The following PDPR variants were observed in gnomAD, a reference collection of about 807,000 sequenced individuals.
PDPR encodes pyruvate dehydrogenase phosphatase regulatory subunit, mitochondrial.
Under a neutral mutation model 102.2 loss-of-function variants are expected in PDPR, and 50 were observed. That is an observed-to-expected ratio of 0.49 (90% CI 0.39 to 0.62). The LOEUF is 0.62. Ranked by LOEUF, PDPR falls within the 20% of genes least tolerant of loss-of-function variation. The pLI, the probability that PDPR is intolerant of heterozygous loss-of-function variation, is 0.00. For missense variants in PDPR, 625 were observed against 1,098.2 expected, an observed-to-expected ratio of 0.57 and a Z score of 6.09; for synonymous variants, 259 against 406.0, an observed-to-expected ratio of 0.64 and a Z score of 4.35.
chr16:70,150,963 C>A (rs1387474741), intron 17 of PDPR, among the ~76,000 whole-genome samples: 1 of 152,230 alleles, frequency 6.6e-6, no homozygotes, highest in South Asian at 2.1e-4. Flanking sequence ...TAGACGGAGC[C>A]TCCCACTGTC....
intron 3 of PDPR, among the ~76,000 whole-genome samples, chr16:70,123,459 A>T (rs1963565719): frequency 6.6e-6 from 1 of 152,128 alleles, no homozygotes; most frequent in Non-Finnish European, 1.5e-5. Flanking sequence ...GCTGGCCTCA[A>T]ACTCCTGGGC....
At chr16:70,163,302 C>G (rs1967937855), downstream of PDPR, among the ~76,000 whole-genome samples, 1 of 151,856 alleles carries the variant, frequency 6.6e-6, no homozygotes, top group Admixed American at 6.6e-5. Context: ...TTTTGAGAAT[C>G]TCATAGGTTA....
intron 17 of PDPR, among the ~76,000 whole-genome samples, chr16:70,150,249 G>A (rs1255363689): frequency 1.3e-5 from 2 of 151,914 alleles, no homozygotes; most frequent in East Asian, 1.9e-4. Flanking sequence ...GATTACAGGC[G>A]CCTGCCACCA....
At chr16:70,125,440 G>C (rs1424227073) in intron 3 of PDPR, among the ~76,000 whole-genome samples, 1 of 151,790 alleles carries the variant, frequency 6.6e-6, no homozygotes, top group Admixed American at 6.6e-5. Context: ...TGTAATCCCT[G>C]CTACTCGGGA....
At chr16:70,134,800 T>TA (rs1359719242) in intron 9 of PDPR, among the ~76,000 whole-genome samples, 4 of 120,986 alleles carry the variant, frequency 3.3e-5, no homozygotes, top group African/African-American at 1.1e-4. Flanking sequence ...AAAAAAAAAA[T>TA]AATAATAATA....
intron 2 of PDPR, chr16:70,120,251 T>C (rs572465627): frequency 1.1e-5 from 5 of 438,034 alleles, no homozygotes; most frequent in African/African-American, 4.0e-5. Flanking sequence ...GGGGTTTCAC[T>C]GTGTTAGCCA....
At chr16:70,137,148 C>T (rs1325142416) in intron 10 of PDPR, among the ~76,000 whole-genome samples, 5 of 152,186 alleles carry the variant, frequency 3.3e-5, no homozygotes, top group South Asian at 2.1e-4. Flanking sequence ...GTCATGAGAT[C>T]GAGACCACTC....
At chr16:70,122,028 C>T (rs1963354410) in intron 3 of PDPR, among the ~76,000 whole-genome samples, 1 of 152,204 alleles carries the variant, frequency 6.6e-6, no homozygotes, top group African/African-American at 2.4e-5. Flanking sequence ...GCTCTGTCAC[C>T]CAGGCTGGAG....
intron 6 of PDPR, among the ~76,000 whole-genome samples, chr16:70,129,601 G>C (rs3865175): frequency 7.9e-4 from 120 of 152,086 alleles, no homozygotes; most frequent in Middle Eastern, 3.4e-3. Context: ...CACCTGCCTC[G>C]GCCTCCCTAA....
At chr16:70,122,532 T>G (rs1273946334) in intron 3 of PDPR, among the ~76,000 whole-genome samples, 1 of 152,294 alleles carries the variant, frequency 6.6e-6, no homozygotes, top group Non-Finnish European at 1.5e-5. Flanking sequence ...CTGGTGGTGA[T>G]AAACCTGGTC....
At chr16:70,145,484 ACT>A (rs1966163568) in intron 15 of PDPR, among the ~76,000 whole-genome samples, 1 of 152,172 alleles carries the variant, frequency 6.6e-6, no homozygotes, top group Admixed American at 6.5e-5. Flanking sequence ...TGATTTTCTC[ACT>A]CTCAGCAGTC....
Position 70,162,068 on chromosome 16 carries a change from A to G in PDPR, c.*5189A>G, listed in dbSNP as rs577355784. The G allele has an allele frequency of 6.6e-6, 1 of 152,566 alleles. No individual in the cohort carries two copies. The highest frequency in any genetic ancestry group is 2.4e-5 in the African/African-American group (1 of 41,594). 9.5% of individuals were successfully genotyped at this position (152,566 alleles called of 1,614,324 possible). On this transcript the variant is annotated 3_prime_UTR_variant, in exon 19 of 19. Transcript: ENST00000288050. The stretch of plus-strand genomic sequence containing the variant: ...TGTCAGATGGTGGGTGCAGATTGGA[A>G]GAAAGAGAAAAGTTCATCTCGGTGT...
chr16:70,159,403 A>G lies in PDPR; in HGVS notation c.*2524A>G, dbSNP rs551664142. The G allele has an allele frequency of 6.6e-6, 1 of 152,552 alleles. No individual in the cohort carries two copies. The highest frequency in any genetic ancestry group is 1.5e-5 in the Non-Finnish European group (1 of 68,230). The allele number at this position is 152,552 out of a possible 1,614,324, so 9.4% of individuals were successfully genotyped here. A position where few individuals can be genotyped will look rare whatever the true frequency, so the allele number is the denominator to read the frequency against. On this transcript the variant is annotated 3_prime_UTR_variant, in exon 19 of 19. Transcript: ENST00000288050. ...GTCCATTGAAACCCCTTGTCCATGA[A>G]TAGGGTCATACTCCTAAGACTGATG...
chr16:70,133,132 T>TTTTTTG (rs1964715924), intron 9 of PDPR, among the ~76,000 whole-genome samples: 2 of 145,494 alleles, frequency 1.4e-5, no homozygotes, highest in South Asian at 2.2e-4. Context: ...TTTTTTTTTT[T>TTTTTTG]GAGATGAAGT....
At chr16:70,137,092 C>T (rs535302855) in intron 10 of PDPR, among the ~76,000 whole-genome samples, 1 of 151,734 alleles carries the variant, frequency 6.6e-6, no homozygotes, top group Non-Finnish European at 1.5e-5. Flanking sequence ...GTGGCTCACG[C>T]TTGTAATCCC....
At chr16:70,136,882 A>G (rs796464676) in intron 10 of PDPR, among the ~76,000 whole-genome samples, 3 of 152,218 alleles carry the variant, frequency 2.0e-5, no homozygotes, top group Non-Finnish European at 4.4e-5. Context: ...AGCTGGGATT[A>G]GAGGTGTGTG....
At position 70,157,747 on chromosome 16, in the gene PDPR, A is replaced by G; in HGVS notation, c.*868A>G. 1 of 155,804 alleles carries G rather than the reference A, an allele frequency of 6.4e-6. No homozygotes were observed. Among genetic ancestry groups the G allele is most frequent in the Non-Finnish European group, 1.4e-5 (1 of 70,196 alleles). The allele number at this position is 155,804 out of a possible 1,614,324, so 9.7% of individuals were successfully genotyped here. A position where few individuals can be genotyped will look rare whatever the true frequency, so the allele number is the denominator to read the frequency against. On this transcript the variant is annotated 3_prime_UTR_variant, in exon 19 of 19. Transcript: ENST00000288050. ...GTGATGCTGAGTGTTCTGCTATGGA[A>G]ACAATGCTGCTTTTCTCTCAGCTGT...
At chr16:70,140,544 C>T (rs1441974081) in intron 11 of PDPR, among the ~76,000 whole-genome samples, 26 of 151,732 alleles carry the variant, frequency 1.7e-4, no homozygotes, top group African/African-American at 9.7e-5. Context: ...AGGCGCCAGG[C>T]GCAGTGGCTC....
chr16:70,113,731 C>A (rs1490546952), upstream of PDPR: 2 of 141,848 alleles, frequency 1.4e-5, no homozygotes, highest in African/African-American at 5.0e-5. Context: ...TGAGCTGAGC[C>A]AAGCTGAGAA....
Sources: gnomAD v4.1 joint callset for allele counts (sites outside exome capture counted in the v4.1 genomes callset) on GRCh38, gnomAD v4.1.1 for gene constraint, MANE v1.5 for transcripts, NCBI Gene and HGNC (gene_info 2026-07-23, HGNC 2026-07-21) for gene names.